Variants in NCOA1 observed in about 807,000 individuals in gnomAD.
NCOA1 encodes the protein nuclear receptor coactivator 1.
In NCOA1, 35 loss-of-function variants were observed where a neutral mutation model predicts 150.9. That is an observed-to-expected ratio of 0.23 (90% confidence interval 0.18 to 0.31). The LOEUF is 0.31. Among genes scored for constraint, NCOA1 ranks in the 10% least tolerant of loss-of-function variants. The probability of loss-of-function intolerance (pLI) is 1.00; values close to 1 mark genes in which losing one functional copy is unlikely to be tolerated. For missense variants in NCOA1, 1,491 were observed against 1,749.3 expected (o/e 0.85, Z 2.63); for synonymous variants, 590 against 630.0 (o/e 0.94, Z 0.95).
At position 24,649,746 on chromosome 2, in the gene NCOA1, CAA is replaced by C. The variant is rs933264814; in HGVS notation, c.-18+5627_-18+5628del. 2.7e-5 allele frequency among the ~76,000 whole-genome samples: 4 copies of C among 150,228 alleles called. No homozygotes were observed. The Admixed American group carries it at 2.7e-4, about 10-fold the overall frequency. ...TTTCTATGTATTTGTTAATAGAAAACAAAATAAACTTTTCTTTTTTCAAACTT... is the reference window on the plus strand; with the variant it reads ...TTTCTATGTATTTGTTAATAGAAAACAATAAACTTTTCTTTTTTCAAACTT... On this transcript the variant is annotated intron_variant, in intron 4 of 22. Coordinates refer to ENST00000348332, the MANE Select transcript of NCOA1 (RefSeq NM_003743.5).
In NCOA1 at chr2:24,765,075, G is replaced by C. The variant is rs56065107; in HGVS notation, c.4155+2299G>C. Among the ~76,000 whole-genome samples the C allele has an allele frequency of 4.6e-3, 702 of 151,698 alleles. 8 individuals carry two copies. The highest frequency in any genetic ancestry group is 0.015 in the African/African-American group (635 of 41,290). Reference sequence around the variant, plus strand: ...ACCTGCAGTCCCAGCTATTCAGGAAGTTGAGACAGGAGAATCGCTTGAACC... The same window carrying C: ...ACCTGCAGTCCCAGCTATTCAGGAACTTGAGACAGGAGAATCGCTTGAACC... On this transcript the variant is annotated intron_variant, in intron 22 of 22. Transcript: ENST00000348332.
At chr2:24,689,414 C>A (rs1472102894) in intron 8 of NCOA1, among the ~76,000 whole-genome samples, 2 of 151,032 alleles carry the variant, frequency 1.3e-5, no homozygotes, top group African/African-American at 4.8e-5. Flanking sequence ...GTTAACGAAT[C>A]CTTTTTTTTT....
chr2:24,554,455 G>T (rs538853811), intron 1 of NCOA1: 1 of 152,116 alleles, frequency 6.6e-6, no homozygotes, highest in Non-Finnish European at 1.5e-5. Context: ...AGAGAGAGGG[G>T]ACTTCGGAGA....
intron 3 of NCOA1, among the ~76,000 whole-genome samples, chr2:24,602,740 A>T: frequency 6.6e-6 from 1 of 152,266 alleles, no homozygotes; most frequent in South Asian, 2.1e-4. Flanking sequence ...GTTATCCTCC[A>T]TATAAAAGTA....
chr2:24,494,796 C>G (rs959478538), intron 1 of NCOA1, among the ~76,000 whole-genome samples: 4 of 152,140 alleles, frequency 2.6e-5, no homozygotes, highest in Non-Finnish European at 5.9e-5. Context: ...TTCTCCCTAT[C>G]TTAGATTAAC....
intron 4 of NCOA1, among the ~76,000 whole-genome samples, chr2:24,649,177 C>T (rs1475895336): frequency 6.6e-6 from 1 of 152,168 alleles, no homozygotes; most frequent in East Asian, 1.9e-4. Context: ...AATTCTCCCA[C>T]CTCAGACTCC....
intron 17 of NCOA1, among the ~76,000 whole-genome samples, chr2:24,731,132 T>G (rs1662990339): frequency 6.6e-6 from 1 of 152,088 alleles, no homozygotes. Context: ...AAAACCATAT[T>G]TGTATATTGC....
At chr2:24,759,826 C>T (rs900953067) in intron 21 of NCOA1, among the ~76,000 whole-genome samples, 1 of 151,904 alleles carries the variant, frequency 6.6e-6, no homozygotes, top group Non-Finnish European at 1.5e-5. Flanking sequence ...TATAGAACCT[C>T]ATTACAATTT....
Position 24,629,219 on chromosome 2 carries a change from C to G in NCOA1, c.-174-14747C>G, listed in dbSNP as rs56159911. Among the ~76,000 whole-genome samples the G allele has an allele frequency of 1.3e-3, 201 of 152,068 alleles. 4 individuals are homozygous for G. The highest frequency in any genetic ancestry group is 4.6e-3 in the African/African-American group (191 of 41,470). On this transcript the variant is annotated intron_variant, in intron 3 of 22. Transcript: ENST00000348332. ...CAACAGTCTTTTGAGAATAGTTTGTCTTCAAAATAGATGTGTTTATACTGC... is the reference window on the plus strand; with the variant it reads ...CAACAGTCTTTTGAGAATAGTTTGTGTTCAAAATAGATGTGTTTATACTGC...
intron 1 of NCOA1, among the ~76,000 whole-genome samples, chr2:24,516,729 T>C (rs1052530472): frequency 1.3e-5 from 2 of 150,904 alleles, no homozygotes; most frequent in African/African-American, 2.4e-5. Context: ...GTATCATCTT[T>C]CTCACTTTCT....
chr2:24,594,496 G>A (rs745364765), intron 3 of NCOA1, among the ~76,000 whole-genome samples: 1 of 151,870 alleles, frequency 6.6e-6, no homozygotes, highest in Non-Finnish European at 1.5e-5. Flanking sequence ...GGTTCCCTGG[G>A]GACACTCTTT....
chr2:24,580,768 C>G (rs1162759774), intron 2 of NCOA1, among the ~76,000 whole-genome samples: 1 of 152,146 alleles, frequency 6.6e-6, no homozygotes, highest in Non-Finnish European at 1.5e-5. Flanking sequence ...TTTAACACCT[C>G]CATCATCTTG....
At chr2:24,569,940 A>C (rs1666674700) in intron 2 of NCOA1, among the ~76,000 whole-genome samples, 1 of 151,732 alleles carries the variant, frequency 6.6e-6, no homozygotes, top group South Asian at 2.1e-4. Flanking sequence ...TTTGAAATAG[A>C]ACATGGAAAA....
At chr2:24,566,971 G>A (rs1473044795) in intron 2 of NCOA1, among the ~76,000 whole-genome samples, 1 of 152,246 alleles carries the variant, frequency 6.6e-6, no homozygotes. Flanking sequence ...GGCAGTTGCA[G>A]CTGCACCCAG....
At chr2:24,652,134 T>TC (rs1283722590) in intron 4 of NCOA1, among the ~76,000 whole-genome samples, 1 of 151,990 alleles carries the variant, frequency 6.6e-6, no homozygotes, top group African/African-American at 2.4e-5. Context: ...TACCTAAATA[T>TC]CCATCCACTG....
chr2:24,610,859 C>G lies in NCOA1; in HGVS notation c.-175+26299C>G, dbSNP rs1217073981. Among the ~76,000 whole-genome samples, 3 of 150,860 alleles carry G rather than the reference C, an allele frequency of 2.0e-5. No individual in the cohort carries two copies. The East Asian group carries it at 5.8e-4, about 29-fold the overall frequency. On this transcript the variant is annotated intron_variant, in intron 3 of 22. Coordinates refer to ENST00000348332, the MANE Select transcript of NCOA1 (RefSeq NM_003743.5). ...AGACTTGAGTTCACAGTGCATTCCTCCAGGGAAGATTTTTTATTTCCTTCT... is the reference window on the plus strand; with the variant it reads ...AGACTTGAGTTCACAGTGCATTCCTGCAGGGAAGATTTTTTATTTCCTTCT...
At chr2:24,516,968 A>G (rs867023805) in intron 1 of NCOA1, among the ~76,000 whole-genome samples, 87 of 75,476 alleles carry the variant, frequency 1.2e-3, no homozygotes, top group African/African-American at 2.9e-3. Flanking sequence ...ATATATACGT[A>G]TATATACACA....
rs1484375022 is a variant in NCOA1 at position 24,742,141 on chromosome 2, A to C, written c.3661A>C (p.Ile1221Leu). 1.2e-6 allele frequency: 2 copies of C among 1,613,960 alleles called. No individual in the cohort carries two copies. The highest frequency in any genetic ancestry group is 1.7e-6 in the Non-Finnish European group (2 of 1,179,878). Residue 1221 changes from isoleucine to leucine, a missense_variant, in exon 19 of 23, where the codon ATC becomes CTC. Physicochemically the swap from Ile to Leu is conservative, Grantham distance 5. Around this residue, in one of 8 missense-constraint regions of NCOA1, gnomAD observed 485 missense variants for 522.8 expected, o/e 0.93. Coordinates refer to ENST00000348332, the MANE Select transcript of NCOA1 (RefSeq NM_003743.5). Reference sequence around the variant, plus strand: ...CATAGGAGGACAGTTTGGCACTGGAATCAATCCTCAGATGCAGCAGAATGT... The same window carrying C: ...CATAGGAGGACAGTTTGGCACTGGACTCAATCCTCAGATGCAGCAGAATGT... ...GNIGGQFGTG[I>L]NPQMQQNVFQ...
chr2:24,505,201 T>C (rs1360109879), intron 1 of NCOA1, among the ~76,000 whole-genome samples: 2 of 152,066 alleles, frequency 1.3e-5, no homozygotes. Context: ...CTTTTTTTTT[T>C]TTGAGACGGA....
Sources: gnomAD v4.1 joint callset for allele counts (sites outside exome capture counted in the v4.1 genomes callset) on GRCh38, gnomAD v4.1.1 for gene constraint, gnomAD v4.1.1 regional missense constraint, MANE v1.5 for transcripts, NCBI Gene and HGNC (gene_info 2026-07-23, HGNC 2026-07-21) for gene names.